ACBD3: variants seen among roughly 807,000 people sequenced by gnomAD.
The protein encoded by ACBD3 is Golgi resident protein GCP60.
A neutral mutation model predicts 66.9 loss-of-function variants in ACBD3; 30 were observed. The observed-to-expected ratio is 0.45, with a 90% confidence interval of 0.34 to 0.61. The LOEUF is 0.61. ACBD3 is among the 20% of genes least tolerant of loss of function. ACBD3 has a pLI of 0.02. For missense variants in ACBD3, 544 were observed against 664.5 expected (o/e 0.82, Z 1.99); for synonymous variants, 278 against 259.8 (o/e 1.07, Z -0.68).
chr1:226,157,411 G>C (rs751760239), intron 5 of ACBD3, among the ~76,000 whole-genome samples: 1 of 152,170 alleles, frequency 6.6e-6, no homozygotes, highest in South Asian at 2.1e-4. Context: ...GGCTAATTTT[G>C]TATTTTTAAT....
rs759955787 is a variant in ACBD3 at position 226,152,368 on chromosome 1, T to C, written c.1342A>G (p.Ser448Gly). Residue 448 changes from serine (S) to glycine (G), a missense_variant, in exon 7 of 8, where the codon AGT (serine) becomes GGT (glycine). Ser to Gly is a moderately conservative substitution (Grantham distance 56). Transcript: ENST00000366812. Reference sequence around the variant, plus strand: ...TCCTCGTCGTCATCGCTGGACTCACTGACATGCACGCTGACAGCAGTGTTT... The same window carrying C: ...TCCTCGTCGTCATCGCTGGACTCACCGACATGCACGCTGACAGCAGTGTTT... ...SPNTAVSVHVSESSDDDEEEE... is the reference protein window; with the variant it reads ...SPNTAVSVHVGESSDDDEEEE... 1 of 1,614,108 alleles carries C rather than the reference T, an allele frequency of 6.2e-7. No homozygotes were observed. Among genetic ancestry groups the C allele is most frequent in the South Asian group, 1.1e-5 (1 of 91,086 alleles).
intron 5 of ACBD3, 29 bp downstream of exon 5, chr1:226,159,155 A>G (rs113921278): frequency 0.014 from 22,838 of 1,609,270 alleles, 217 homozygotes; most frequent in Middle Eastern, 0.025. Flanking sequence ...ACTCTCTCTA[A>G]GGCTGAATTC....
rs765615281 is a variant in ACBD3, at chr1:226,155,777, T to C, written c.904-944A>G. On this transcript the variant is annotated intron_variant, in intron 5 of 7. Coordinates refer to ENST00000366812, the MANE Select transcript of ACBD3 (RefSeq NM_022735.4). ...TTAATCGTGTTGTAAAATGCTGACC[T>C]AAGAATCAAACAGACTTACAGGATG... Among the ~76,000 whole-genome samples the C allele has an allele frequency of 5.9e-5, 9 of 152,210 alleles. 1 individual carries two copies. Among genetic ancestry groups the C allele is most frequent in the Admixed American group, 6.5e-5 (1 of 15,280 alleles).
chr1:226,171,693 G>T (rs1291106009), intron 1 of ACBD3, among the ~76,000 whole-genome samples: 1 of 150,746 alleles, frequency 6.6e-6, no homozygotes, highest in South Asian at 2.1e-4. Flanking sequence ...GTGCGCCACC[G>T]TGCCTGGCTA....
In ACBD3 at chr1:226,145,039, T is replaced by A. The variant is rs1659421439; in HGVS notation, c.*1571A>T. ...CTAACTCCATGGTTTCTATACCATA[T>A]GTACATGAAAGCTGACAGAGAGCCT... is the stretch of plus-strand genomic sequence containing the variant. On this transcript the variant is annotated 3_prime_UTR_variant, in exon 8 of 8. Coordinates refer to ENST00000366812, the MANE Select transcript of ACBD3 (RefSeq NM_022735.4). The A allele has an allele frequency of 6.6e-6, 1 of 152,536 alleles. No individual in the cohort carries two copies. Among genetic ancestry groups the A allele is most frequent in the Non-Finnish European group, 1.5e-5 (1 of 68,016 alleles). 9.4% of individuals were successfully genotyped at this position (152,536 alleles called of 1,614,324 possible).
intron 1 of ACBD3, among the ~76,000 whole-genome samples, chr1:226,174,370 T>C (rs184328367): frequency 1.2e-3 from 189 of 152,266 alleles, no homozygotes; most frequent in African/African-American, 4.2e-3. Flanking sequence ...AAAGAAAACA[T>C]GCAGATAAAC....
intron 7 of ACBD3, among the ~76,000 whole-genome samples, chr1:226,147,370 T>C (rs1206461865): frequency 3.3e-5 from 5 of 152,182 alleles, no homozygotes; most frequent in African/African-American, 4.8e-5. Context: ...GTGATGAACA[T>C]CTAGTGGTAG....
chr1:226,154,931 A>C (rs1013982338), intron 5 of ACBD3, 98 bp from the exon 6 acceptor site: 2 of 988,202 alleles, frequency 2.0e-6, no homozygotes, highest in Non-Finnish European at 2.8e-6. Flanking sequence ...TTGCCCTACC[A>C]AAGTGCTATG....
chr1:226,165,572 C>G (rs920443221), intron 2 of ACBD3, among the ~76,000 whole-genome samples: 2 of 152,084 alleles, frequency 1.3e-5, no homozygotes, highest in African/African-American at 4.8e-5. Context: ...GAATCAATTA[C>G]TATATATTTT....
intron 5 of ACBD3, among the ~76,000 whole-genome samples, chr1:226,156,616 A>C (rs1288537077): frequency 2.0e-5 from 3 of 152,218 alleles, no homozygotes; most frequent in African/African-American, 7.2e-5. Context: ...CATTGAATGT[A>C]TCATTTACAA....
At chr1:226,182,794 C>T (rs181862278) in intron 1 of ACBD3, among the ~76,000 whole-genome samples, 1 of 152,260 alleles carries the variant, frequency 6.6e-6, no homozygotes, top group East Asian at 1.9e-4. Context: ...TCCCTCAGTC[C>T]TCCACACTGT....
chr1:226,152,730 G>C (rs1659602239), intron 6 of ACBD3, 111 bp from the exon 7 acceptor site: 1 of 1,062,642 alleles, frequency 9.4e-7, no homozygotes, highest in African/African-American at 1.6e-5. Flanking sequence ...AGTACAATAT[G>C]GTCTAGCTTA....
intron 5 of ACBD3, among the ~76,000 whole-genome samples, chr1:226,158,971 CAATAT>C (rs1235166393): frequency 2.0e-5 from 3 of 152,222 alleles, no homozygotes; most frequent in Non-Finnish European, 4.4e-5. Context: ...ACCCTTATGA[CAATAT>C]AACATCATCG....
chr1:226,175,429 A>G (rs1656009804), intron 1 of ACBD3, among the ~76,000 whole-genome samples: 1 of 152,238 alleles, frequency 6.6e-6, no homozygotes, highest in Non-Finnish European at 1.5e-5. Flanking sequence ...ACTAAGTCTT[A>G]CCACAAACAC....
chr1:226,162,250 G>A (rs1250166161), intron 3 of ACBD3, among the ~76,000 whole-genome samples: 2 of 150,828 alleles, frequency 1.3e-5, no homozygotes, highest in Non-Finnish European at 3.0e-5. Context: ...GTAAAGACAT[G>A]TAATACACTT....
At chr1:226,165,320 G>A (rs1293972044) in intron 2 of ACBD3, among the ~76,000 whole-genome samples, 1 of 151,968 alleles carries the variant, frequency 6.6e-6, no homozygotes, top group Admixed American at 6.6e-5. Context: ...ACAGGCATGT[G>A]CCACTACCGC....
At chr1:226,183,384 G>A (rs12076062) in intron 1 of ACBD3, among the ~76,000 whole-genome samples, 23,942 of 151,820 alleles carry the variant, frequency 0.16, 1,981 homozygotes, top group East Asian at 0.22. Flanking sequence ...AGGTTTCACC[G>A]TGTTAGCCAG....
At chr1:226,168,660 A>G (rs1241932636) in intron 1 of ACBD3, among the ~76,000 whole-genome samples, 2 of 152,244 alleles carry the variant, frequency 1.3e-5, no homozygotes, top group East Asian at 1.9e-4. Flanking sequence ...GATGCAACAT[A>G]TAACTCAAGT....
rs749119044 is a variant in ACBD3, at chr1:226,159,348, T to C, written c.739A>G (p.Met247Val). Residue 247 changes from methionine (M) to valine (V), a missense_variant, in exon 5 of 8, where the codon ATG becomes GTG. Coordinates refer to ENST00000366812, the MANE Select transcript of ACBD3 (RefSeq NM_022735.4). ...GCAGTCTGGGAGTTTAAAGCTGCCA[T>C]TATCTGCTGCCTAAAAACATTAAAA... ...LRLEQQKQQI[M>V]AALNSQTAVQ... The C allele has an allele frequency of 1.2e-6, 2 of 1,614,142 alleles. No individual in the cohort carries two copies. The highest frequency in any genetic ancestry group is 3.3e-5 in the Admixed American group (2 of 60,014).
Sources: gnomAD v4.1 joint callset for allele counts (sites outside exome capture counted in the v4.1 genomes callset) on GRCh38, gnomAD v4.1.1 for gene constraint, MANE v1.5 for transcripts, NCBI Gene and HGNC (gene_info 2026-07-23, HGNC 2026-07-21) for gene names.